Variants in ADAM10 observed in about 807,000 individuals in gnomAD.
ADAM10 encodes the protein disintegrin and metalloproteinase domain-containing protein 10.
In ADAM10, 17 loss-of-function variants were observed where a neutral mutation model predicts 90.1. The observed-to-expected ratio is 0.19, with a 90% CI of 0.13 to 0.28. The LOEUF (loss-of-function observed/expected upper bound fraction) is 0.28, where lower values mean the gene tolerates loss of function less well. Ranked by LOEUF, ADAM10 falls within the 10% of genes least tolerant of loss-of-function variation. The pLI, the probability that ADAM10 is intolerant of heterozygous loss-of-function variation, is 1.00. For synonymous variants in ADAM10, 310 were observed against 298.6 expected (o/e 1.04, Z -0.40); for missense variants, 610 against 914.3 (o/e 0.67, Z 4.29).
chr15:58,719,074 A>C (rs1433496894), intron 1 of ADAM10, among the ~76,000 whole-genome samples: 1 of 152,194 alleles, frequency 6.6e-6, no homozygotes. Context: ...CTGTAATCCG[A>C]GCACTTTGGG....
intron 8 of ADAM10, among the ~76,000 whole-genome samples, chr15:58,633,916 AG>A (rs1896175635): frequency 6.6e-6 from 1 of 151,032 alleles, no homozygotes; most frequent in South Asian, 2.1e-4. Flanking sequence ...AAAAAAAAAA[AG>A]AGGGGGTAGA....
At chr15:58,673,860 G>A (rs966533941) in intron 4 of ADAM10, among the ~76,000 whole-genome samples, 3 of 151,618 alleles carry the variant, frequency 2.0e-5, no homozygotes, top group Non-Finnish European at 2.9e-5. Context: ...TCAGCCTCTC[G>A]AGTAGCTGGG....
chr15:58,695,259 T>C (rs1897943517), intron 2 of ADAM10, among the ~76,000 whole-genome samples: 1 of 152,114 alleles, frequency 6.6e-6, no homozygotes, highest in Non-Finnish European at 1.5e-5. Context: ...TGTTAAGTAA[T>C]CAACAAAGCC....
At chr15:58,712,812 C>G (rs565453092) in intron 2 of ADAM10, among the ~76,000 whole-genome samples, 1 of 151,992 alleles carries the variant, frequency 6.6e-6, no homozygotes, top group African/African-American at 2.4e-5. Context: ...GGTGACACAG[C>G]GAGACTCCGC....
Position 58,590,137 on chromosome 15 carries a change from T to A in ADAM10, c.*7410A>T, listed in dbSNP as rs1312840532. On this transcript the variant is annotated 3_prime_UTR_variant, in exon 16 of 16. Coordinates refer to ENST00000260408, the MANE Select transcript of ADAM10 (RefSeq NM_001110.4). ...TATTTTGACTCAAGCATCACTTTCATAAGGAATTCTCTGACCTTCCTGATG... is the reference window on the plus strand; with the variant it reads ...TATTTTGACTCAAGCATCACTTTCAAAAGGAATTCTCTGACCTTCCTGATG... 1.3e-5 allele frequency: 2 copies of A among 152,198 alleles called. No homozygotes were observed. Among genetic ancestry groups the A allele is most frequent in the East Asian group, 3.9e-4 (2 of 5,186 alleles). 9.4% of individuals were successfully genotyped at this position (152,198 alleles called of 1,614,324 possible). A position where few individuals can be genotyped will look rare whatever the true frequency, so the allele number is the denominator to read the frequency against.
chr15:58,746,494 C>A (rs1480823773), intron 1 of ADAM10, among the ~76,000 whole-genome samples: 1 of 152,048 alleles, frequency 6.6e-6, no homozygotes, highest in Non-Finnish European at 1.5e-5. Context: ...GGGACTGTGC[C>A]GGAAATGGGC....
At chr15:58,704,889 T>C (rs1401343570) in intron 2 of ADAM10, among the ~76,000 whole-genome samples, 2 of 152,218 alleles carry the variant, frequency 1.3e-5, no homozygotes, top group African/African-American at 4.8e-5. Context: ...CATATTGCTC[T>C]TTCTACTGTA....
chr15:58,678,606 T>G (rs7182060), intron 4 of ADAM10, among the ~76,000 whole-genome samples: 27,111 of 152,058 alleles, frequency 0.18, 2,685 homozygotes, highest in East Asian at 0.44. Context: ...TATCATCATA[T>G]AAAGATGGTA....
intron 8 of ADAM10, among the ~76,000 whole-genome samples, chr15:58,637,844 A>G (rs1896306411): frequency 1.3e-5 from 2 of 152,152 alleles, no homozygotes; most frequent in Non-Finnish European, 2.9e-5. Flanking sequence ...GTTTCTGAAC[A>G]CAAGTTTCCT....
At chr15:58,694,472 A>T (rs528437272) in intron 2 of ADAM10, among the ~76,000 whole-genome samples, 30 of 151,936 alleles carry the variant, frequency 2.0e-4, no homozygotes, top group African/African-American at 6.5e-4. Context: ...AAAAACAAAC[A>T]AGGCCAGGCG....
At chr15:58,636,015 G>A (rs963385501) in intron 8 of ADAM10, among the ~76,000 whole-genome samples, 2 of 152,116 alleles carry the variant, frequency 1.3e-5, no homozygotes, top group South Asian at 2.1e-4. Flanking sequence ...AGTGGCTCAC[G>A]TCTGTAATCC....
chr15:58,688,786 A>ATATATATATATCTC lies in ADAM10; in HGVS notation c.207-6473_207-6472insGAGATATATATATA. Among the ~76,000 whole-genome samples, 74 of 122,358 alleles carry ATATATATATATCTC rather than the reference A, an allele frequency of 6.0e-4. 1 individual carries two copies. Among genetic ancestry groups the ATATATATATATCTC allele is most frequent in the African/African-American group, 1.2e-3 (33 of 27,814 alleles). 80.3% of individuals were successfully genotyped at this position (122,358 alleles called of 152,430 possible). On this transcript the variant is annotated intron_variant, in intron 2 of 15. Transcript: ENST00000260408. ...AAAAATTATATATATATATATATAT[A>ATATATATATATCTC]TCTCTCTCTCTCACTGGACTGACTT...
chr15:58,619,841 T>C (rs1895728083), intron 11 of ADAM10, among the ~76,000 whole-genome samples: 1 of 151,838 alleles, frequency 6.6e-6, no homozygotes, highest in African/African-American at 2.4e-5. Flanking sequence ...GAGGCGGAGC[T>C]TGTAGTGAGC....
chr15:58,663,863 T>C (rs1281453053), intron 5 of ADAM10, among the ~76,000 whole-genome samples: 6 of 152,108 alleles, frequency 3.9e-5, no homozygotes, highest in Non-Finnish European at 8.8e-5. Context: ...ACTCGTGGTA[T>C]AAATAAATGC....
chr15:58,660,026 C>T (rs1896930666), intron 5 of ADAM10, among the ~76,000 whole-genome samples: 1 of 152,148 alleles, frequency 6.6e-6, no homozygotes, highest in Admixed American at 6.5e-5. Flanking sequence ...ATACGCCTGG[C>T]CGTTCTCTCT....
rs1247926974 is a variant in ADAM10 at position 58,593,112 on chromosome 15, A to C, written c.*4435T>G. The C allele has an allele frequency of 7.1e-6, 1 of 141,342 alleles. No individual in the cohort carries two copies. Among genetic ancestry groups the C allele is most frequent in the African/African-American group, 2.6e-5 (1 of 38,360 alleles). The allele number at this position is 141,342 out of a possible 1,614,324, so 8.8% of individuals were successfully genotyped here. A position where few individuals can be genotyped will look rare whatever the true frequency, so the allele number is the denominator to read the frequency against. ...AGTGTGCATATTATGTTTTTGTCAC[A>C]CACATAGAAAAAAAGTAACAAAGGC... On this transcript the variant is annotated 3_prime_UTR_variant, in exon 16 of 16. Coordinates refer to ENST00000260408, the MANE Select transcript of ADAM10 (RefSeq NM_001110.4).
chr15:58,679,216 C>A lies in ADAM10; in HGVS notation c.392G>T (p.Arg131Leu). Residue 131 changes from arginine (R) to leucine (L), a missense_variant, in exon 4 of 16, where the codon CGT (arginine) becomes CTT (leucine). Coordinates refer to ENST00000260408, the MANE Select transcript of ADAM10 (RefSeq NM_001110.4). ...DGRFEGFIQT[R>L]GGTFYVEPAE... The stretch of plus-strand genomic sequence containing the variant: ...TGGCTCAACATAAAATGTGCCACCA[C>A]GAGTCTGGATGAATCCTTCAAATCT... The A allele has an allele frequency of 6.2e-7, 1 of 1,614,034 alleles. No homozygotes were observed. Among genetic ancestry groups the A allele is most frequent in the Non-Finnish European group, 8.5e-7 (1 of 1,179,982 alleles).
intron 1 of ADAM10, among the ~76,000 whole-genome samples, chr15:58,737,522 C>T (rs991983997): frequency 1.3e-5 from 2 of 152,106 alleles, no homozygotes; most frequent in Non-Finnish European, 2.9e-5. Context: ...TTTCCTGACT[C>T]TGGATAAGTA....
intron 1 of ADAM10, among the ~76,000 whole-genome samples, chr15:58,722,726 CTTTTTTT>C (rs71116592): frequency 3.8e-5 from 4 of 104,002 alleles, no homozygotes; most frequent in Non-Finnish European, 5.5e-5. Flanking sequence ...AATTTGAGAA[CTTTTTTT>C]TTTTTTTTTT....
Sources: gnomAD v4.1 joint callset for allele counts (sites outside exome capture counted in the v4.1 genomes callset) on GRCh38, gnomAD v4.1.1 for gene constraint, MANE v1.5 for transcripts, NCBI Gene and HGNC (gene_info 2026-07-23, HGNC 2026-07-21) for gene names.